Variants in BTBD7 observed in about 807,000 individuals in gnomAD.
The protein encoded by BTBD7 is BTB/POZ domain-containing protein 7.
BTBD7 carries 38 observed loss-of-function variants against 99.9 expected under a neutral mutation model. The observed-to-expected ratio is 0.38, with a 90% CI of 0.29 to 0.50. The LOEUF is 0.50. Among genes scored for constraint, BTBD7 ranks in the 20% least tolerant of loss-of-function variants. The pLI is 0.93. For synonymous variants in BTBD7, 520 were observed against 511.4 expected (o/e 1.02, Z -0.23); for missense variants, 1,170 against 1,394.6 (o/e 0.84, Z 2.57).
intron 1 of BTBD7, among the ~76,000 whole-genome samples, chr14:93,316,745 T>C (rs925325190): frequency 2.0e-5 from 3 of 152,146 alleles, no homozygotes; most frequent in Non-Finnish European, 2.9e-5. Context: ...TCTGACACAG[T>C]AATTGAGCAG....
intron 3 of BTBD7, among the ~76,000 whole-genome samples, chr14:93,268,698 T>A (rs2052568894): frequency 6.7e-6 from 1 of 150,188 alleles, no homozygotes; most frequent in African/African-American, 2.4e-5. Flanking sequence ...CCTAAACATA[T>A]CCTTCCTTCC....
chr14:93,304,963 G>GTTT (rs899263165), intron 1 of BTBD7, among the ~76,000 whole-genome samples: 1 of 152,118 alleles, frequency 6.6e-6, no homozygotes, highest in African/African-American at 2.4e-5. Flanking sequence ...GAAACTCAAA[G>GTTT]GTTTCCTCAT....
At chr14:93,309,914 T>C (rs1346521709) in intron 1 of BTBD7, among the ~76,000 whole-genome samples, 1 of 152,196 alleles carries the variant, frequency 6.6e-6, no homozygotes, top group African/African-American at 2.4e-5. Flanking sequence ...AAATAGTTAA[T>C]GGATCTCTAC....
chr14:93,311,504 C>A (rs1041352617), intron 1 of BTBD7, among the ~76,000 whole-genome samples: 1 of 152,174 alleles, frequency 6.6e-6, no homozygotes, highest in Non-Finnish European at 1.5e-5. Context: ...TCTACATAAA[C>A]ATGTACATAG....
At chr14:93,257,463 G>A in intron 5 of BTBD7, 108 bp from the exon 6 acceptor site, 1 of 953,156 alleles carries the variant, frequency 1.0e-6, no homozygotes, top group Middle Eastern at 2.2e-4. Context: ...AGACTTATGT[G>A]CCTCTGCTTT....
intron 3 of BTBD7, among the ~76,000 whole-genome samples, chr14:93,281,558 TA>T (rs1271463486): frequency 6.6e-6 from 1 of 152,234 alleles, no homozygotes; most frequent in Non-Finnish European, 1.5e-5. Flanking sequence ...TTTTAGACAG[TA>T]ACTTAAAAAA....
intron 1 of BTBD7, among the ~76,000 whole-genome samples, chr14:93,307,565 C>T (rs1394042303): frequency 6.6e-6 from 1 of 152,176 alleles, no homozygotes; most frequent in East Asian, 1.9e-4. Flanking sequence ...ACTTGAAAAG[C>T]ATTTCTTACT....
rs1346963972 is a variant in BTBD7, at chr14:93,238,525, A to C, written c.*3748T>G. The C allele has an allele frequency of 6.6e-6, 1 of 152,646 alleles. No individual in the cohort carries two copies. 9.5% of individuals were successfully genotyped at this position (152,646 alleles called of 1,614,324 possible). ...CTGCTTTGTCACTCCAGAAAGCTGA[A>C]AGTCAACCGAACAATGAAAAAAAGT... On this transcript the variant is annotated 3_prime_UTR_variant, in exon 11 of 11. Coordinates refer to ENST00000334746, the MANE Select transcript of BTBD7 (RefSeq NM_001002860.4).
intron 1 of BTBD7, among the ~76,000 whole-genome samples, chr14:93,312,774 GC>G (rs1178984367): frequency 2.0e-5 from 3 of 152,102 alleles, no homozygotes; most frequent in Admixed American, 2.0e-4. Context: ...CTTCTGCCCA[GC>G]CCACTGCCAC....
intron 3 of BTBD7, among the ~76,000 whole-genome samples, chr14:93,277,315 G>A (rs2139732925): frequency 6.6e-6 from 1 of 152,266 alleles, no homozygotes; most frequent in South Asian, 2.1e-4. Context: ...TTAAGCATGG[G>A]GGGTAATGAG....
At chr14:93,332,409 C>G (rs2053447446) in intron 1 of BTBD7, 1 of 153,370 alleles carries the variant, frequency 6.5e-6, no homozygotes, top group Non-Finnish European at 1.5e-5. Context: ...AACCCCGCAC[C>G]CGGGTAAACA....
chr14:93,287,284 A>C (rs1410107646), intron 3 of BTBD7, among the ~76,000 whole-genome samples: 1 of 151,780 alleles, frequency 6.6e-6, no homozygotes, highest in Non-Finnish European at 1.5e-5. Context: ...TCATTTAAAA[A>C]GTCTGGTAGT....
Position 93,313,679 on chromosome 14 carries a change from TACACACACACACAC to T in BTBD7, c.-106-17536_-106-17523del, listed in dbSNP as rs57711099. Among the ~76,000 whole-genome samples, 703 of 145,522 alleles carry T rather than the reference TACACACACACACAC, an allele frequency of 4.8e-3. 4 individuals carry two copies. The highest frequency in any genetic ancestry group is 0.017 in the African/African-American group (654 of 39,196). On this transcript the variant is annotated intron_variant, in intron 1 of 10. Coordinates refer to ENST00000334746, the MANE Select transcript of BTBD7 (RefSeq NM_001002860.4). ...TTTTTGACTTATCCTAAAATGAAAC[TACACACACACACAC>T]ACACACACACACACACACACACAAT...
intron 9 of BTBD7, 152 bp downstream of exon 9, chr14:93,248,324 G>T: frequency 1.3e-6 from 1 of 741,280 alleles, no homozygotes; most frequent in Non-Finnish European, 2.1e-6. Context: ...CTCTCACCAG[G>T]AGGGACTTGC....
At chr14:93,274,750 G>T (rs1263430) in intron 3 of BTBD7, among the ~76,000 whole-genome samples, 2,792 of 152,272 alleles carry the variant, frequency 0.018, 37 homozygotes, top group Non-Finnish European at 0.031. Context: ...ACTTTTTGGA[G>T]GGAACCCAGG....
intron 3 of BTBD7, among the ~76,000 whole-genome samples, chr14:93,268,723 C>T (rs1008240576): frequency 6.6e-6 from 1 of 151,766 alleles, no homozygotes; most frequent in Admixed American, 6.6e-5. Context: ...CCAAAAGTTC[C>T]CCTTCCCAGC....
chr14:93,266,804 A>T (rs2052547920), intron 3 of BTBD7, among the ~76,000 whole-genome samples: 1 of 152,374 alleles, frequency 6.6e-6, no homozygotes, highest in South Asian at 2.1e-4. Context: ...CCAAGCACTA[A>T]AAGAATATCC....
chr14:93,252,814 TTTTTTTG>T (rs2052384056), intron 7 of BTBD7, among the ~76,000 whole-genome samples: 1 of 151,706 alleles, frequency 6.6e-6, no homozygotes, highest in South Asian at 2.1e-4. Flanking sequence ...AAGGCCAAAG[TTTTTTTG>T]TTTTTTGTTT....
rs984431225 is a variant in BTBD7 at position 93,331,886 on chromosome 14, C to CCG, written c.-107+933_-107+934insCG. Among the ~76,000 whole-genome samples, 41 of 147,340 alleles carry CCG rather than the reference C, an allele frequency of 2.8e-4. No individual in the cohort carries two copies. In the East Asian group the frequency reaches 7.2e-3, roughly 26 times the overall value. ...ACAGAGCGAGACTCCGTCTCCCCCC[C>CCG]CCCAAAAAGGTTGTTAGTTGAAAAA... On this transcript the variant is annotated intron_variant, in intron 1 of 10. Transcript: ENST00000334746.
Sources: allele counts gnomAD v4.1 joint callset (sites outside exome capture counted in the v4.1 genomes callset), GRCh38; gene constraint gnomAD v4.1.1; transcripts MANE v1.5; gene names NCBI Gene and HGNC (gene_info 2026-07-23, HGNC 2026-07-21).